The following DUSP16 variants were observed in gnomAD, a reference collection of about 807,000 sequenced individuals.
The protein encoded by DUSP16 is dual specificity phosphatase 16.
Under a neutral mutation model 58.3 loss-of-function variants are expected in DUSP16, and 21 were observed. The ratio of observed to expected loss-of-function variants is 0.36; its 90% CI spans 0.26 to 0.52. The LOEUF (loss-of-function observed/expected upper bound fraction) is 0.52. Among genes scored for constraint, DUSP16 ranks in the 20% least tolerant of loss-of-function variants. The probability of loss-of-function intolerance (pLI) is 0.94; values close to 1 mark genes in which losing one functional copy is unlikely to be tolerated. For synonymous variants in DUSP16, 320 were observed against 323.8 expected (o/e 0.99, Z 0.12); for missense variants, 726 against 819.0 (o/e 0.89, Z 1.39).
chr12:12,525,163 G>A (rs1260730009), intron 1 of DUSP16, among the ~76,000 whole-genome samples: 1 of 151,852 alleles, frequency 6.6e-6, no homozygotes, highest in East Asian at 1.9e-4. Flanking sequence ...TTCACTTACA[G>A]TACTTGAATC....
intron 3 of DUSP16, among the ~76,000 whole-genome samples, chr12:12,501,770 T>C (rs191612442): frequency 3.9e-5 from 6 of 152,272 alleles, no homozygotes; most frequent in Non-Finnish European, 5.9e-5. Context: ...GGCAGGCGGA[T>C]TGCCTGAGGT....
chr12:12,499,597 G>A (rs750889854), intron 4 of DUSP16, among the ~76,000 whole-genome samples: 25 of 152,160 alleles, frequency 1.6e-4, no homozygotes, highest in Non-Finnish European at 3.4e-4. Flanking sequence ...AGCCAGTCTG[G>A]AAGCTTATTT....
intron 1 of DUSP16, among the ~76,000 whole-genome samples, chr12:12,527,935 A>G (rs1944328564): frequency 6.6e-6 from 1 of 152,244 alleles, no homozygotes. Context: ...AATAGCAGTC[A>G]GCCTTCAAAG....
Position 12,482,120 on chromosome 12 carries a change from C to T in DUSP16, c.692-1774G>A, listed in dbSNP as rs146720154. On this transcript the variant is annotated intron_variant, in intron 5 of 6. Coordinates refer to ENST00000298573, the MANE Select transcript of DUSP16 (RefSeq NM_030640.3). ...TTTTTGTTTTTTAATGTTGACAATA[C>T]TCTCTCATTAATTTTAATAATTATC... Among the ~76,000 whole-genome samples the T allele has an allele frequency of 3.9e-3, 588 of 152,088 alleles. 4 individuals carry two copies. The highest frequency in any genetic ancestry group is 0.014 in the African/African-American group (560 of 41,442).
In DUSP16 at chr12:12,474,356, T is replaced by C. The variant is rs530662779; in HGVS notation, c.*2477A>G. On this transcript the variant is annotated 3_prime_UTR_variant, in exon 7 of 7. Transcript: ENST00000298573. ...ACTTCAAAAGAACACTATATTCATA[T>C]TAAACATTTACAGTCTTTCCATCTA... The C allele has an allele frequency of 6.6e-6, 1 of 152,352 alleles. No individual in the cohort carries two copies. The highest frequency in any genetic ancestry group is 2.4e-5 in the African/African-American group (1 of 41,590). 9.4% of individuals were successfully genotyped at this position (152,352 alleles called of 1,614,324 possible).
chr12:12,520,859 G>C lies in DUSP16; in HGVS notation c.228+12C>G, dbSNP rs758698676. On this transcript the variant is annotated intron_variant, in intron 2 of 6. Transcript: ENST00000298573. ...CCATTTATTTTGAAAAGGCAAAAAGGAAAGCGTTTACCTTATGTTTCGCTG... is the reference window on the plus strand; with the variant it reads ...CCATTTATTTTGAAAAGGCAAAAAGCAAAGCGTTTACCTTATGTTTCGCTG... 3.7e-6 allele frequency: 6 copies of C among 1,613,024 alleles called. No individual in the cohort carries two copies. In the Admixed American group the frequency reaches 8.3e-5, roughly 22 times the overall value.
intron 3 of DUSP16, among the ~76,000 whole-genome samples, chr12:12,514,681 C>A (rs1944122426): frequency 6.6e-6 from 1 of 152,088 alleles, no homozygotes; most frequent in African/African-American, 2.4e-5. Context: ...CTTTTTTCTT[C>A]TTTTGGAGAC....
At chr12:12,529,248 AC>A (rs1387461576) in intron 1 of DUSP16, among the ~76,000 whole-genome samples, 2 of 152,086 alleles carry the variant, frequency 1.3e-5, no homozygotes, top group African/African-American at 4.8e-5. Context: ...AGTAACTGGG[AC>A]CACAGGCATG....
chr12:12,497,327 T>C (rs1943843049), intron 4 of DUSP16, among the ~76,000 whole-genome samples: 1 of 152,202 alleles, frequency 6.6e-6, no homozygotes. Context: ...AAAGAAATTC[T>C]CCATTGTGAC....
intron 1 of DUSP16, among the ~76,000 whole-genome samples, chr12:12,525,761 C>CACACACA (rs931575352): frequency 2.4e-4 from 36 of 147,176 alleles, no homozygotes; most frequent in Non-Finnish European, 3.2e-4. Flanking sequence ...CACACACACA[C>CACACACA]AATTTTCCCC....
intron 1 of DUSP16, among the ~76,000 whole-genome samples, chr12:12,527,694 G>C (rs1944325474): frequency 6.6e-6 from 1 of 152,142 alleles, no homozygotes; most frequent in South Asian, 2.1e-4. Context: ...ATTAATGTCT[G>C]ATCATATTTC....
At chr12:12,502,746 T>C (rs1943928119) in intron 3 of DUSP16, among the ~76,000 whole-genome samples, 2 of 152,076 alleles carry the variant, frequency 1.3e-5, no homozygotes, top group East Asian at 3.9e-4. Flanking sequence ...AGACGGGGTT[T>C]CTCCATGTTG....
Position 12,521,126 on chromosome 12 carries a change from T to C in DUSP16, c.-28A>G. 1.2e-6 allele frequency: 2 copies of C among 1,607,712 alleles called. No individual in the cohort carries two copies. The highest frequency in any genetic ancestry group is 2.2e-5 in the East Asian group (1 of 44,648). On this transcript the variant is annotated 5_prime_UTR_variant, in exon 2 of 7. Coordinates refer to ENST00000298573, the MANE Select transcript of DUSP16 (RefSeq NM_030640.3). ...CAACAATAAGTCCTCTTTTCCCACC[T>C]CCTTCTTTAATTTGCCACGATGATG...
At chr12:12,507,672 C>T (rs1364281665) in intron 3 of DUSP16, among the ~76,000 whole-genome samples, 2 of 152,170 alleles carry the variant, frequency 1.3e-5, no homozygotes, top group Admixed American at 6.5e-5. Flanking sequence ...TGCAATGGTG[C>T]GATCTCCGCT....
chr12:12,509,895 T>C (rs779798144), intron 3 of DUSP16, among the ~76,000 whole-genome samples: 4 of 152,192 alleles, frequency 2.6e-5, no homozygotes, highest in African/African-American at 9.6e-5. Flanking sequence ...TAGACCACAA[T>C]GCCCCAGAAG....
chr12:12,546,874 T>C (rs927882732), intron 1 of DUSP16, among the ~76,000 whole-genome samples: 6 of 152,196 alleles, frequency 3.9e-5, no homozygotes, highest in African/African-American at 1.4e-4. Context: ...ATACTATCTA[T>C]AAGACACAAA....
At chr12:12,480,182 A>G (rs1943537273) in intron 6 of DUSP16, 41 bp downstream of exon 6, 1 of 1,605,222 alleles carries the variant, frequency 6.2e-7, no homozygotes. Flanking sequence ...GTTTCAGGTC[A>G]AATGAAAAGC....
Position 12,473,931 on chromosome 12 carries a change from G to T in DUSP16, c.*2902C>A, listed in dbSNP as rs1372573601. 6.6e-6 allele frequency among the ~76,000 whole-genome samples: 1 copy of T among 152,112 alleles called. No homozygotes were observed. Among genetic ancestry groups the T allele is most frequent in the African/African-American group, 2.4e-5 (1 of 41,400 alleles). ...TCCTACCATGTACTTGTGTGTTCTG[G>T]AATCAGTCAGCTAGAAAATATTTAC... is the stretch of plus-strand genomic sequence containing the variant. On this transcript the variant is annotated 3_prime_UTR_variant, in exon 7 of 7. Transcript: ENST00000298573.
At chr12:12,540,278 G>A (rs1012058335) in intron 1 of DUSP16, among the ~76,000 whole-genome samples, 8 of 151,968 alleles carry the variant, frequency 5.3e-5, no homozygotes, top group African/African-American at 1.9e-4. Flanking sequence ...GTTGCAGTGA[G>A]CTATGATTGC....
Sources: allele counts gnomAD v4.1 joint callset (sites outside exome capture counted in the v4.1 genomes callset), GRCh38; gene constraint gnomAD v4.1.1; transcripts MANE v1.5; gene names NCBI Gene and HGNC (gene_info 2026-07-23, HGNC 2026-07-21).